SLCO2A1: variants seen among roughly 807,000 people sequenced by gnomAD.
SLCO2A1 encodes the protein solute carrier organic anion transporter family member 2A1, also known as matrin F/G 1.
A neutral mutation model predicts 71.7 loss-of-function variants in SLCO2A1; 60 were observed. The ratio of observed to expected loss-of-function variants is 0.84; its 90% confidence interval spans 0.68 to 1.04. The LOEUF (loss-of-function observed/expected upper bound fraction) is 1.04. SLCO2A1 is among the 50% of genes least tolerant of loss of function. The pLI, the probability that SLCO2A1 is intolerant of heterozygous loss-of-function variation, is 0.00. For synonymous variants in SLCO2A1, 308 were observed against 326.7 expected (o/e 0.94, Z 0.62); for missense variants, 745 against 813.4 (o/e 0.92, Z 1.02).
intron 1 of SLCO2A1, among the ~76,000 whole-genome samples, chr3:134,013,605 G>T (rs1159441347): frequency 6.6e-6 from 1 of 152,110 alleles, no homozygotes; most frequent in Non-Finnish European, 1.5e-5. Flanking sequence ...AAGCTGGGTG[G>T]GTAAGTCAAC....
chr3:134,015,675 G>T (rs183733001), intron 1 of SLCO2A1, among the ~76,000 whole-genome samples: 1 of 152,044 alleles, frequency 6.6e-6, no homozygotes, highest in Non-Finnish European at 1.5e-5. Context: ...AGATTAAAAC[G>T]TCACATTGTA....
At chr3:133,942,874 T>G (rs1215469394) in intron 10 of SLCO2A1, 106 bp from the exon 11 acceptor site, 1 of 1,212,824 alleles carries the variant, frequency 8.2e-7, no homozygotes, top group Non-Finnish European at 1.1e-6. Context: ...GTTTCAACCC[T>G]TGTGTCCTCT....
intron 5 of SLCO2A1, among the ~76,000 whole-genome samples, chr3:133,952,781 A>G (rs189547608): frequency 6.6e-6 from 1 of 152,112 alleles, no homozygotes; most frequent in African/African-American, 2.4e-5. Flanking sequence ...CATTAGCTCC[A>G]TTTTACAGAT....
chr3:133,935,776 G>A lies in SLCO2A1; in HGVS notation c.1812C>T (p.Asp604=), dbSNP rs527244554. The A allele has an allele frequency of 2.5e-5, 40 of 1,602,650 alleles. No individual in the cohort carries two copies. Among genetic ancestry groups the A allele is most frequent in the East Asian group, 2.0e-4 (9 of 44,752 alleles). The change falls in exon 13 of 14, where the codon GAC becomes GAT. Residue 604 remains aspartate (D), a splice_region_variant and synonymous_variant. Coordinates refer to ENST00000310926, the MANE Select transcript of SLCO2A1 (RefSeq NM_005630.3). ...CAYYDNDALR[D]RYLGLQMGYK... ...ACACATACATGATGGGCCCTCACCT[G>A]TCTCGGAGAGCATCGTTGTCATAGT...
At chr3:133,993,593 C>T (rs143257135) in intron 1 of SLCO2A1, among the ~76,000 whole-genome samples, 178 of 152,238 alleles carry the variant, frequency 1.2e-3, no homozygotes, top group East Asian at 5.2e-3. Context: ...ATAATTATCA[C>T]GGATATTTAT....
In SLCO2A1 at chr3:133,955,130, T is replaced by C. The variant is rs1933850691; in HGVS notation, c.461A>G (p.Lys154Arg). The C allele has an allele frequency of 6.2e-7, 1 of 1,614,036 alleles. No individual in the cohort carries two copies. The highest frequency in any genetic ancestry group is 1.3e-5 in the African/African-American group (1 of 74,924). ...GGGGTTCTGGGTGGTGCTGTGGCAC[T>C]TACTGGGAGGCAGGTCCTGCCAATG... Reference protein sequence around the residue: ...QKHWQDLPPSKCHSTTQNPQK... With the variant: ...QKHWQDLPPSRCHSTTQNPQK... The change falls in exon 4 of 14, where the codon AAG becomes AGG. Residue 154 changes from lysine (K) to arginine (R), a missense_variant. Physicochemically the swap from Lys to Arg is conservative, Grantham distance 26. Transcript: ENST00000310926.
chr3:133,942,066 T>A (rs1933437101), intron 11 of SLCO2A1, among the ~76,000 whole-genome samples: 1 of 152,222 alleles, frequency 6.6e-6, no homozygotes, highest in African/African-American at 2.4e-5. Flanking sequence ...CAATCTTGGC[T>A]CACTGCAACC....
intron 5 of SLCO2A1, among the ~76,000 whole-genome samples, chr3:133,951,671 G>A (rs1403035340): frequency 6.6e-6 from 1 of 152,192 alleles, no homozygotes; most frequent in Non-Finnish European, 1.5e-5. Flanking sequence ...CACACCATGG[G>A]CCAGACTCTA....
intron 3 of SLCO2A1, among the ~76,000 whole-genome samples, chr3:133,957,157 C>T (rs775911937): frequency 3.9e-5 from 6 of 152,198 alleles, no homozygotes; most frequent in African/African-American, 7.2e-5. Flanking sequence ...CACAACCCAT[C>T]GCTGACGTCA....
chr3:133,973,531 A>G (rs969599974), intron 3 of SLCO2A1, 132 bp downstream of exon 3: 25 of 944,146 alleles, frequency 2.6e-5, no homozygotes, highest in Non-Finnish European at 3.8e-5. Context: ...AGCTCTACAT[A>G]CTTCAGTATA....
rs774597644 is a variant in SLCO2A1 at position 133,973,726 on chromosome 3, C to T, written c.334G>A (p.Ala112Thr). 1 of 1,614,080 alleles carries T rather than the reference C, an allele frequency of 6.2e-7. No individual in the cohort carries two copies. The highest frequency in any genetic ancestry group is 1.1e-5 in the South Asian group (1 of 91,046). ...AAGTGTGGGAGGGTGAGGATGAAGG[C>T]ACCTGCAGCCAGGAAGAGACCTCCG... is the stretch of plus-strand genomic sequence containing the variant. ...GIGGLFLAAG[A>T]FILTLPHFLS... is the part of the protein sequence containing the mutation. The change falls in exon 3 of 14, where the codon GCC becomes ACC. Residue 112 changes from alanine (A) to threonine (T), a missense_variant. Transcript: ENST00000310926.
chr3:133,981,876 G>A (rs1934600571), intron 1 of SLCO2A1, among the ~76,000 whole-genome samples: 1 of 150,914 alleles, frequency 6.6e-6, no homozygotes, highest in Admixed American at 6.6e-5. Flanking sequence ...TCAAGAGGCT[G>A]AAGCAGGAGA....
Position 134,014,072 on chromosome 3 carries a change from G to A in SLCO2A1, c.96+15635C>T, listed in dbSNP as rs77777156. ...CAGCATTTCTCAAGGGTGTTGGATG[G>A]AGCAGTTTTTAGACATAAACAAGTA... On this transcript the variant is annotated intron_variant, in intron 1 of 13. Coordinates refer to ENST00000310926, the MANE Select transcript of SLCO2A1 (RefSeq NM_005630.3). 7.7e-3 allele frequency among the ~76,000 whole-genome samples: 1,171 copies of A among 152,242 alleles called. 13 individuals carry two copies. Among genetic ancestry groups the A allele is most frequent in the African/African-American group, 0.027 (1,116 of 41,556 alleles).
At position 133,945,233 on chromosome 3, in the gene SLCO2A1, A is replaced by G; in HGVS notation, c.1323T>C (p.Ser441=). ...ACGAGCAGTCCCTGCGGCAGGCAGG[A>G]GACTGCGGATGTATAGAACTTGATG... ...PSTSSSIHPQ[S]PACRRDCSCP... Residue 441 remains serine, a synonymous_variant, in exon 10 of 14, where the codon TCT becomes TCC. Coordinates refer to ENST00000310926, the MANE Select transcript of SLCO2A1 (RefSeq NM_005630.3). 6.2e-7 allele frequency: 1 copy of G among 1,612,684 alleles called. No individual in the cohort carries two copies. The highest frequency in any genetic ancestry group is 8.5e-7 in the Non-Finnish European group (1 of 1,179,536).
rs997909962 is a variant in SLCO2A1 at position 134,029,840 on chromosome 3, G to A, written c.-38C>T. 2 of 1,284,938 alleles carry A rather than the reference G, an allele frequency of 1.6e-6. No homozygotes were observed. The highest frequency in any genetic ancestry group is 2.0e-6 in the Non-Finnish European group (2 of 1,001,120). 79.6% of individuals were successfully genotyped at this position (1,284,938 alleles called of 1,614,324 possible). ...CTGGCCGGGCGCGGAGTGGCGCGGGGTCGGGGCGCCTCGGGCTGGAGCGGC... is the reference window on the plus strand; with the variant it reads ...CTGGCCGGGCGCGGAGTGGCGCGGGATCGGGGCGCCTCGGGCTGGAGCGGC... On this transcript the variant is annotated 5_prime_UTR_variant, in exon 1 of 14. Coordinates refer to ENST00000310926, the MANE Select transcript of SLCO2A1 (RefSeq NM_005630.3).
chr3:133,964,819 A>G (rs1934126135), intron 3 of SLCO2A1, among the ~76,000 whole-genome samples: 1 of 152,206 alleles, frequency 6.6e-6, no homozygotes, highest in Non-Finnish European at 1.5e-5. Context: ...CTCACTGTGC[A>G]TGCCCAACAA....
intron 1 of SLCO2A1, among the ~76,000 whole-genome samples, chr3:134,023,283 A>C (rs1043051607): frequency 6.6e-6 from 1 of 152,120 alleles, no homozygotes; most frequent in African/African-American, 2.4e-5. Flanking sequence ...CTATTCTATT[A>C]CTCTTTCTTC....
chr3:133,985,351 G>A (rs774190708), intron 1 of SLCO2A1, among the ~76,000 whole-genome samples: 8 of 152,112 alleles, frequency 5.3e-5, no homozygotes, highest in Admixed American at 2.0e-4. Flanking sequence ...ATGTAACTCC[G>A]CATCCACACA....
intron 3 of SLCO2A1, among the ~76,000 whole-genome samples, chr3:133,962,874 C>G (rs1288125748): frequency 1.3e-5 from 2 of 152,216 alleles, no homozygotes; most frequent in African/African-American, 2.4e-5. Flanking sequence ...TGCCCAAACA[C>G]AGCCACCTGC....
Sources: allele counts gnomAD v4.1 joint callset (sites outside exome capture counted in the v4.1 genomes callset), GRCh38; gene constraint gnomAD v4.1.1; transcripts MANE v1.5; gene names NCBI Gene and HGNC (gene_info 2026-07-23, HGNC 2026-07-21).